KHDRBS2: variants seen among roughly 807,000 people sequenced by gnomAD.
KHDRBS2 encodes the protein KH domain-containing, RNA-binding, signal transduction-associated protein 2.
KHDRBS2 carries 26 observed loss-of-function variants against 44.3 expected under a neutral mutation model. The ratio of observed to expected loss-of-function variants is 0.59; its 90% confidence interval spans 0.43 to 0.81. The LOEUF (loss-of-function observed/expected upper bound fraction) is 0.81. Among genes scored for constraint, KHDRBS2 ranks in the 40% least tolerant of loss-of-function variants. The pLI, the probability that KHDRBS2 is intolerant of heterozygous loss-of-function variation, is 0.00. For missense variants in KHDRBS2, 476 were observed against 433.1 expected, an observed-to-expected ratio of 1.10 and a Z score of -0.88; for synonymous variants, 194 against 151.1, an observed-to-expected ratio of 1.28 and a Z score of -2.08.
intron 7 of KHDRBS2, among the ~76,000 whole-genome samples, chr6:61,702,715 A>G (rs2127546567): frequency 6.6e-6 from 1 of 152,052 alleles, no homozygotes; most frequent in Non-Finnish European, 1.5e-5. Flanking sequence ...CAGTAAAACA[A>G]AAACAACTCA....
intron 1 of KHDRBS2, among the ~76,000 whole-genome samples, chr6:62,231,484 C>A (rs1311234261): frequency 3.3e-5 from 5 of 152,112 alleles, no homozygotes; most frequent in Non-Finnish European, 7.4e-5. Flanking sequence ...TCCCTCTACC[C>A]TTGGGGATTA....
At chr6:61,862,042 G>C (rs769374523) in intron 6 of KHDRBS2, among the ~76,000 whole-genome samples, 6 of 152,034 alleles carry the variant, frequency 3.9e-5, no homozygotes, top group Non-Finnish European at 8.8e-5. Context: ...AGGAATGCTT[G>C]TGATTCATGC....
At chr6:61,778,220 A>G (rs1303572327) in intron 6 of KHDRBS2, among the ~76,000 whole-genome samples, 2 of 152,206 alleles carry the variant, frequency 1.3e-5, no homozygotes, top group Non-Finnish European at 2.9e-5. Flanking sequence ...TCCAAGAGTC[A>G]TGAGGATTCG....
At chr6:62,169,575 C>A (rs1021532610) in intron 2 of KHDRBS2, among the ~76,000 whole-genome samples, 3 of 151,980 alleles carry the variant, frequency 2.0e-5, no homozygotes, top group Non-Finnish European at 2.9e-5. Context: ...CAAAGCTGGG[C>A]AGTAGCCCTT....
At chr6:62,010,090 C>A (rs1051503041) in intron 3 of KHDRBS2, among the ~76,000 whole-genome samples, 1 of 152,152 alleles carries the variant, frequency 6.6e-6, no homozygotes, top group African/African-American at 2.4e-5. Context: ...CCCATGAAGG[C>A]AGCCTGGAGG....
At chr6:62,130,084 C>G (rs1809940011) in intron 2 of KHDRBS2, among the ~76,000 whole-genome samples, 1 of 152,068 alleles carries the variant, frequency 6.6e-6, no homozygotes, top group African/African-American at 2.4e-5. Flanking sequence ...TTCCAAAATG[C>G]TCAGAAGGGA....
chr6:61,966,537 C>T (rs1284523443), intron 4 of KHDRBS2, among the ~76,000 whole-genome samples: 1 of 151,882 alleles, frequency 6.6e-6, no homozygotes, highest in Admixed American at 6.6e-5. Flanking sequence ...GAGGTTTCTT[C>T]TCATTTTGAA....
At chr6:61,727,065 A>G (rs1003085128) in intron 7 of KHDRBS2, among the ~76,000 whole-genome samples, 4 of 152,128 alleles carry the variant, frequency 2.6e-5, no homozygotes, top group African/African-American at 9.7e-5. Flanking sequence ...ATACTGGTAC[A>G]AAAACAAACA....
chr6:61,995,997 T>C (rs1323389964), intron 3 of KHDRBS2, among the ~76,000 whole-genome samples: 1 of 152,172 alleles, frequency 6.6e-6, no homozygotes, highest in Non-Finnish European at 1.5e-5. Context: ...GAGAAACTTA[T>C]AGATCATCTA....
the KHDRBS2 span, among the ~76,000 whole-genome samples, chr6:61,640,405 A>G: frequency 3.9e-5 from 6 of 152,144 alleles, no homozygotes; most frequent in Admixed American, 1.3e-4. Context: ...GACACTGACT[A>G]TAAGAGATTC....
At chr6:61,659,818 C>G in the KHDRBS2 span, among the ~76,000 whole-genome samples, 48 of 151,718 alleles carry the variant, frequency 3.2e-4, no homozygotes, top group Non-Finnish European at 6.9e-4. Flanking sequence ...AAAGTCAGAC[C>G]TTCGTCTGGA....
At chr6:61,915,405 CTAAG>C (rs1280522719) in intron 4 of KHDRBS2, among the ~76,000 whole-genome samples, 1 of 151,956 alleles carries the variant, frequency 6.6e-6, no homozygotes, top group African/African-American at 2.4e-5. Flanking sequence ...AATGACTCAA[CTAAG>C]TATTTCTCAA....
At chr6:61,661,848 A>G in the KHDRBS2 span, among the ~76,000 whole-genome samples, 2 of 152,042 alleles carry the variant, frequency 1.3e-5, no homozygotes, top group African/African-American at 4.8e-5. Context: ...ATTCAATGCC[A>G]TCCCCATCAA....
the KHDRBS2 span, among the ~76,000 whole-genome samples, chr6:61,619,729 C>T: frequency 5.3e-5 from 8 of 152,146 alleles, no homozygotes; most frequent in Non-Finnish European, 1.5e-5. Flanking sequence ...GCTGGGATTA[C>T]AGGCATGAGT....
intron 6 of KHDRBS2, among the ~76,000 whole-genome samples, chr6:61,783,750 T>G (rs979006502): frequency 2.0e-5 from 3 of 152,038 alleles, no homozygotes; most frequent in African/African-American, 7.2e-5. Context: ...AATTTTTATT[T>G]TATATAAAAT....
intron 6 of KHDRBS2, among the ~76,000 whole-genome samples, chr6:61,831,249 C>T (rs1458146294): frequency 6.6e-6 from 1 of 151,938 alleles, no homozygotes; most frequent in African/African-American, 2.4e-5. Flanking sequence ...TTGTTAATGT[C>T]TTATTACATT....
At chr6:61,955,281 CTCAT>C (rs369295016) in intron 4 of KHDRBS2, among the ~76,000 whole-genome samples, 4 of 55,762 alleles carry the variant, frequency 7.2e-5, no homozygotes, top group South Asian at 5.1e-4. Context: ...TGTAAATATA[CTCAT>C]ACGTATGTAT....
chr6:62,000,981 G>A (rs1218312128), intron 3 of KHDRBS2, among the ~76,000 whole-genome samples: 2 of 152,112 alleles, frequency 1.3e-5, no homozygotes, highest in African/African-American at 2.4e-5. Flanking sequence ...GAACAGGAAG[G>A]TGCTGTTAAA....
chr6:61,872,682 C>T (rs1372602901), intron 6 of KHDRBS2, among the ~76,000 whole-genome samples: 2 of 151,994 alleles, frequency 1.3e-5, no homozygotes, highest in Non-Finnish European at 2.9e-5. Context: ...AATTCTTTCC[C>T]AAATAATATA....
Sources: allele counts gnomAD v4.1 joint callset (sites outside exome capture counted in the v4.1 genomes callset), GRCh38; gene constraint gnomAD v4.1.1; transcripts MANE v1.5; gene names NCBI Gene and HGNC (gene_info 2026-07-23, HGNC 2026-07-21).